The following FLI1 variants were observed in gnomAD, a reference collection of about 807,000 sequenced individuals.
The protein encoded by FLI1 is Fli-1 proto-oncogene, ETS transcription factor.
A neutral mutation model predicts 53.1 loss-of-function variants in FLI1; 13 were observed. The ratio of observed to expected loss-of-function variants is 0.24; its 90% CI spans 0.16 to 0.39. The LOEUF (loss-of-function observed/expected upper bound fraction) is 0.39. FLI1 is among the 10% of genes least tolerant of loss of function. The pLI is 1.00. For synonymous variants in FLI1, 244 were observed against 236.7 expected (o/e 1.03, Z -0.28); for missense variants, 424 against 600.5 (o/e 0.71, Z 3.07).
At chr11:128,746,268 T>C (rs960903388) in intron 1 of FLI1, among the ~76,000 whole-genome samples, 2 of 152,198 alleles carry the variant, frequency 1.3e-5, no homozygotes, top group African/African-American at 4.8e-5. Flanking sequence ...GATGAGGTTC[T>C]TCTCTTCAGG....
At chr11:128,692,510 T>C (rs942505003), upstream of FLI1, 6 of 143,066 alleles carry the variant, frequency 4.2e-5, no homozygotes, top group Non-Finnish European at 7.6e-5. Flanking sequence ...CCAGGTCTGG[T>C]CACGTTCAGA....
At chr11:128,712,222 C>T (rs563014169) in intron 1 of FLI1, among the ~76,000 whole-genome samples, 4 of 152,318 alleles carry the variant, frequency 2.6e-5, no homozygotes, top group African/African-American at 9.6e-5. Flanking sequence ...TCCTCCTTCT[C>T]TCTCTTGCTC....
chr11:128,705,368 T>A (rs773478938), intron 1 of FLI1, among the ~76,000 whole-genome samples: 3 of 152,198 alleles, frequency 2.0e-5, no homozygotes, highest in Non-Finnish European at 4.4e-5. Context: ...AATGAGTTGA[T>A]TTTTAAATGT....
intron 1 of FLI1, among the ~76,000 whole-genome samples, chr11:128,711,167 TTTAA>T (rs1252103830): frequency 1.1e-4 from 16 of 152,248 alleles, no homozygotes; most frequent in Admixed American, 9.2e-4. Context: ...GTCAATTAAG[TTTAA>T]TTAGTTGATT....
intron 5 of FLI1, among the ~76,000 whole-genome samples, chr11:128,796,092 AC>A (rs3831826): frequency 9.9e-5 from 15 of 151,678 alleles, no homozygotes; most frequent in South Asian, 4.2e-4. Flanking sequence ...AGGAGTTCTG[AC>A]CCCCCAGCCC....
At chr11:128,716,187 CAGG>C (rs1939002026) in intron 1 of FLI1, among the ~76,000 whole-genome samples, 1 of 152,114 alleles carries the variant, frequency 6.6e-6, no homozygotes, top group East Asian at 1.9e-4. Context: ...GCAAAAGCAC[CAGG>C]AGATTTAGAG....
At chr11:128,727,647 CAT>C (rs1392614986) in intron 1 of FLI1, among the ~76,000 whole-genome samples, 1 of 152,204 alleles carries the variant, frequency 6.6e-6, no homozygotes, top group Admixed American at 6.5e-5. Flanking sequence ...CATTCAGCCA[CAT>C]GTGTTCATAA....
intron 1 of FLI1, among the ~76,000 whole-genome samples, chr11:128,712,106 T>TG (rs1565461004): frequency 6.6e-6 from 1 of 152,092 alleles, no homozygotes; most frequent in Non-Finnish European, 1.5e-5. Context: ...GATTAGATCA[T>TG]GGGGGGCAGA....
chr11:128,801,380 G>C (rs1025064344), intron 5 of FLI1, among the ~76,000 whole-genome samples: 6 of 152,228 alleles, frequency 3.9e-5, no homozygotes, highest in African/African-American at 1.2e-4. Context: ...GGGGACTAGA[G>C]ATGACCACAC....
At position 128,812,068 on chromosome 11, in the gene FLI1, A is replaced by C; in HGVS notation, c.*1080A>C. On this transcript the variant is annotated 3_prime_UTR_variant, in exon 9 of 9. Transcript: ENST00000527786. ...CATAATATGCCTATAGCTGAAAAGGAAACAGGGCTGTTTAAGTCACTGACT... is the reference window on the plus strand; with the variant it reads ...CATAATATGCCTATAGCTGAAAAGGCAACAGGGCTGTTTAAGTCACTGACT... The C allele has an allele frequency of 4.8e-6, 1 of 207,236 alleles. No homozygotes were observed. Among genetic ancestry groups the C allele is most frequent in the Non-Finnish European group, 9.9e-6 (1 of 101,390 alleles). 12.8% of individuals were successfully genotyped at this position (207,236 alleles called of 1,614,324 possible). A position where few individuals can be genotyped will look rare whatever the true frequency, so the allele number is the denominator to read the frequency against.
At chr11:128,705,135 G>A (rs1379674302) in intron 1 of FLI1, among the ~76,000 whole-genome samples, 1 of 152,152 alleles carries the variant, frequency 6.6e-6, no homozygotes, top group African/African-American at 2.4e-5. Flanking sequence ...TTTAGGCTAC[G>A]AGCCCATCTA....
intron 1 of FLI1, among the ~76,000 whole-genome samples, chr11:128,699,430 T>A (rs1209821501): frequency 1.3e-5 from 2 of 152,222 alleles, no homozygotes; most frequent in African/African-American, 2.4e-5. Context: ...TTGTAACGAA[T>A]TAAGTAGGCT....
chr11:128,736,333 T>C (rs989597365), intron 1 of FLI1, among the ~76,000 whole-genome samples: 1 of 152,202 alleles, frequency 6.6e-6, no homozygotes, highest in South Asian at 2.1e-4. Context: ...AAAGGGGTGA[T>C]ACGAGTTGGT....
chr11:128,714,967 A>G (rs1938948982), intron 1 of FLI1, among the ~76,000 whole-genome samples: 1 of 152,096 alleles, frequency 6.6e-6, no homozygotes. Flanking sequence ...TCAGCCTCCC[A>G]AAGTGCTGGG....
At chr11:128,799,341 A>G (rs1023235812) in intron 5 of FLI1, among the ~76,000 whole-genome samples, 4 of 152,050 alleles carry the variant, frequency 2.6e-5, no homozygotes, top group African/African-American at 9.7e-5. Flanking sequence ...TGGTAATCTC[A>G]TCTCACCAAG....
chr11:128,740,136 G>A (rs538327169), intron 1 of FLI1, among the ~76,000 whole-genome samples: 18 of 152,162 alleles, frequency 1.2e-4, no homozygotes, highest in Non-Finnish European at 2.2e-4. Context: ...GGCCTGTAGC[G>A]GGAGTTGGAA....
At position 128,810,959 on chromosome 11, in the gene FLI1, G is replaced by C. The variant is rs371183121; in HGVS notation, c.1330G>C (p.Val444Leu). ...PNVPRHPNTHVPSHLGSYY is the reference protein window; with the variant it reads ...PNVPRHPNTHLPSHLGSYY The stretch of plus-strand genomic sequence containing the variant: ...CGTCCCCCGCCATCCTAACACCCAC[G>C]TGCCTTCACACTTAGGCAGCTACTA... Residue 444 changes from valine (V) to leucine (L), a missense_variant, in exon 9 of 9, where the codon GTG becomes CTG. By Grantham distance (32) the Val-to-Leu change is conservative (BLOSUM62 1). This residue lies in a region of FLI1 where 87 missense variants were observed against 100.0 expected (regional missense o/e 0.87). Coordinates refer to ENST00000527786, the MANE Select transcript of FLI1 (RefSeq NM_002017.5). The surrounding 1 kb of genome is among the most constrained non-coding windows in gnomAD (Gnocchi z 6.6). The C allele has an allele frequency of 1.2e-6, 2 of 1,613,938 alleles. No individual in the cohort carries two copies. Among genetic ancestry groups the C allele is most frequent in the Non-Finnish European group, 1.7e-6 (2 of 1,179,888 alleles).
intron 1 of FLI1, among the ~76,000 whole-genome samples, chr11:128,688,798 G>A (rs1310177245): frequency 6.6e-6 from 1 of 152,224 alleles, no homozygotes; most frequent in Non-Finnish European, 1.5e-5. Flanking sequence ...ACATGCAGTA[G>A]TTGATGGATA....
chr11:128,715,741 T>C (rs769878647), intron 1 of FLI1, among the ~76,000 whole-genome samples: 20 of 152,188 alleles, frequency 1.3e-4, no homozygotes, highest in Non-Finnish European at 2.9e-4. Flanking sequence ...ATGCTTTGAA[T>C]TCAAGGCAGA....
Sources: gnomAD v4.1 joint callset for allele counts (sites outside exome capture counted in the v4.1 genomes callset) on GRCh38, gnomAD v4.1.1 for gene constraint, gnomAD v4.1.1 regional missense constraint, Gnocchi (gnomAD v3.1) non-coding constraint, MANE v1.5 for transcripts, NCBI Gene and HGNC (gene_info 2026-07-23, HGNC 2026-07-21) for gene names.